The following EYA2 variants were observed in gnomAD, a reference collection of about 807,000 sequenced individuals.
EYA2 encodes the protein EYA transcriptional coactivator and phosphatase 2.
A neutral mutation model predicts 69.2 loss-of-function variants in EYA2; 31 were observed. That is an observed-to-expected ratio of 0.45 (90% CI 0.34 to 0.60). EYA2 has a LOEUF of 0.60. Among genes scored for constraint, EYA2 ranks in the 20% least tolerant of loss-of-function variants. The pLI is 0.02. For missense variants in EYA2, 622 were observed against 701.2 expected, an observed-to-expected ratio of 0.89 and a Z score of 1.28; for synonymous variants, 257 against 279.4, an observed-to-expected ratio of 0.92 and a Z score of 0.80.
chr20:46,911,731 G>A (rs1046752833), intron 1 of EYA2, among the ~76,000 whole-genome samples: 36 of 152,160 alleles, frequency 2.4e-4, no homozygotes, highest in Non-Finnish European at 1.5e-4. Flanking sequence ...CTTGTGTGTG[G>A]GAACTGGAAA....
At chr20:46,970,827 C>G (rs754374565) in intron 1 of EYA2, among the ~76,000 whole-genome samples, 2 of 151,946 alleles carry the variant, frequency 1.3e-5, no homozygotes, top group Non-Finnish European at 2.9e-5. Context: ...AATTTTGTGC[C>G]TTAATGTTAA....
intron 1 of EYA2, among the ~76,000 whole-genome samples, chr20:46,932,379 C>T (rs1402578762): frequency 1.3e-5 from 2 of 152,154 alleles, no homozygotes; most frequent in African/African-American, 4.8e-5. Context: ...GATGTGGGCT[C>T]TGGAATAGAG....
chr20:46,911,606 G>T (rs575747529), intron 1 of EYA2, among the ~76,000 whole-genome samples: 1 of 152,348 alleles, frequency 6.6e-6, no homozygotes, highest in East Asian at 1.9e-4. Flanking sequence ...TTAGCTGAGT[G>T]AGGCCATGGT....
chr20:46,899,118 G>A (rs189566686), intron 1 of EYA2, among the ~76,000 whole-genome samples: 5 of 152,280 alleles, frequency 3.3e-5, no homozygotes, highest in African/African-American at 9.6e-5. Context: ...AAACTGAGTC[G>A]CAGGTCAAAT....
In EYA2 at chr20:46,908,590, C is replaced by T. The variant is rs138122351; in HGVS notation, c.-11+13603C>T. Among the ~76,000 whole-genome samples, 369 of 152,258 alleles carry T rather than the reference C, an allele frequency of 2.4e-3. 1 individual carries two copies. Among genetic ancestry groups the T allele is most frequent in the Non-Finnish European group, 4.5e-3 (307 of 68,012 alleles). ...TAAATCTGAAATCAATGACTGCAAC[C>T]GCAGATACCCAGAGAACCCAAACAG... On this transcript the variant is annotated intron_variant, in intron 1 of 15. Transcript: ENST00000327619.
intron 7 of EYA2, among the ~76,000 whole-genome samples, chr20:47,084,208 T>G (rs2031818694): frequency 6.6e-6 from 1 of 151,534 alleles, no homozygotes; most frequent in Non-Finnish European, 1.5e-5. Context: ...ATTGCGCCAC[T>G]GCACTCCAGC....
intron 2 of EYA2, among the ~76,000 whole-genome samples, chr20:47,000,831 C>T (rs1437224634): frequency 6.6e-6 from 1 of 152,114 alleles, no homozygotes; most frequent in South Asian, 2.1e-4. Context: ...CGAAGTGGTT[C>T]CTTCCCCTAA....
chr20:46,971,114 C>G (rs890099324), intron 1 of EYA2, among the ~76,000 whole-genome samples: 2 of 151,830 alleles, frequency 1.3e-5, no homozygotes, highest in Non-Finnish European at 2.9e-5. Flanking sequence ...CACATGCACA[C>G]ACACGTAAAT....
In EYA2 at chr20:46,957,578, C is replaced by CACACACACACACAA. The variant is rs576647103; in HGVS notation, c.-10-32423_-10-32422insACACACACACACAA. Among the ~76,000 whole-genome samples, 6 of 66,592 alleles carry CACACACACACACAA rather than the reference C, an allele frequency of 9.0e-5. 1 individual carries two copies. The highest frequency in any genetic ancestry group is 1.4e-4 in the African/African-American group (3 of 20,846). 43.7% of individuals were successfully genotyped at this position (66,592 alleles called of 152,430 possible). ...ACACACACACACACACACACACACA[C>CACACACACACACAA]GAAGACAATGTGAAGACAGGACAGA... On this transcript the variant is annotated intron_variant, in intron 1 of 15. Transcript: ENST00000327619.
intron 10 of EYA2, among the ~76,000 whole-genome samples, chr20:47,158,829 C>T (rs1292386372): frequency 2.0e-5 from 3 of 151,154 alleles, no homozygotes; most frequent in Non-Finnish European, 2.9e-5. Flanking sequence ...ATAAAAAGAA[C>T]AACAAAATAA....
chr20:47,160,760 C>A (rs2034049120), intron 10 of EYA2: 1 of 155,552 alleles, frequency 6.4e-6, no homozygotes, highest in African/African-American at 2.4e-5. Context: ...AGGGCAAGAG[C>A]CAGATTTCAT....
chr20:46,968,027 T>C (rs963492607), intron 1 of EYA2, among the ~76,000 whole-genome samples: 2 of 152,206 alleles, frequency 1.3e-5, no homozygotes, highest in African/African-American at 4.8e-5. Flanking sequence ...GGATGGCTGC[T>C]GGAGGATGCT....
chr20:47,000,082 G>T (rs1318625783), intron 2 of EYA2, among the ~76,000 whole-genome samples: 1 of 152,188 alleles, frequency 6.6e-6, no homozygotes, highest in African/African-American at 2.4e-5. Flanking sequence ...TACTTCCTGT[G>T]TGGCCCTGGG....
At chr20:47,049,041 A>C (rs2030189281) in intron 5 of EYA2, among the ~76,000 whole-genome samples, 1 of 152,236 alleles carries the variant, frequency 6.6e-6, no homozygotes, top group South Asian at 2.1e-4. Flanking sequence ...TTGCAGATGG[A>C]GAAACTGAGG....
chr20:47,126,578 T>TC (rs1278587864), intron 9 of EYA2, among the ~76,000 whole-genome samples: 28 of 152,204 alleles, frequency 1.8e-4, no homozygotes, highest in African/African-American at 5.8e-4. Flanking sequence ...GACTTAGGTT[T>TC]GTTTTTTTTC....
chr20:47,165,520 G>A (rs2034163349), intron 10 of EYA2, among the ~76,000 whole-genome samples: 1 of 152,106 alleles, frequency 6.6e-6, no homozygotes, highest in Non-Finnish European at 1.5e-5. Context: ...CCACCTGGGG[G>A]TACTTCCCTG....
At chr20:47,164,472 T>TG (rs887081005) in intron 10 of EYA2, among the ~76,000 whole-genome samples, 2 of 152,112 alleles carry the variant, frequency 1.3e-5, no homozygotes, top group East Asian at 1.9e-4. Flanking sequence ...AGGAAAGGCC[T>TG]GGGGGGCGGA....
chr20:47,178,335 CAA>C (rs11482454), intron 12 of EYA2, among the ~76,000 whole-genome samples: 24 of 122,326 alleles, frequency 2.0e-4, no homozygotes, highest in Admixed American at 4.5e-4. Context: ...GATCTTGTCT[CAA>C]AAAAAAAAAA....
chr20:47,169,898 A>G (rs1042077420), intron 11 of EYA2, among the ~76,000 whole-genome samples: 1 of 151,424 alleles, frequency 6.6e-6, no homozygotes, highest in Non-Finnish European at 1.5e-5. Flanking sequence ...ATACATATAT[A>G]TATTTTTTTC....
Sources: gnomAD v4.1 joint callset for allele counts (sites outside exome capture counted in the v4.1 genomes callset) on GRCh38, gnomAD v4.1.1 for gene constraint, MANE v1.5 for transcripts, NCBI Gene and HGNC (gene_info 2026-07-23, HGNC 2026-07-21) for gene names.